SDF2: variants seen among roughly 807,000 people sequenced by gnomAD.
SDF2 encodes the protein stromal cell-derived factor 2.
A neutral mutation model predicts 20.5 loss-of-function variants in SDF2; 12 were observed. That is an observed-to-expected ratio of 0.58 (90% CI 0.37 to 0.95). SDF2 has a LOEUF of 0.95. Among genes scored for constraint, SDF2 ranks in the 40% least tolerant of loss-of-function variants. The pLI is 0.01. For synonymous variants in SDF2, 100 were observed against 101.0 expected (o/e 0.99, Z 0.06); for missense variants, 238 against 263.1 (o/e 0.90, Z 0.66).
upstream of SDF2, chr17:28,662,142 GGA>G (rs1380859052): frequency 5.2e-6 from 2 of 381,060 alleles, no homozygotes; most frequent in Non-Finnish European, 9.7e-6. Flanking sequence ...TCCGAGAGCG[GGA>G]GAGAGAACAA....
In SDF2 at chr17:28,648,484, A is replaced by G. The variant is rs2151579754; in HGVS notation, c.*505T>C. The G allele has an allele frequency of 6.4e-6, 1 of 155,568 alleles. No individual in the cohort carries two copies. The highest frequency in any genetic ancestry group is 1.9e-4 in the East Asian group (1 of 5,258). 9.6% of individuals were successfully genotyped at this position (155,568 alleles called of 1,614,324 possible). ...AGGTTTGTATGCAAGAAAAGCTCTTAAAAGGGCCCACATTGGAGCTTCATA... is the reference window on the plus strand; with the variant it reads ...AGGTTTGTATGCAAGAAAAGCTCTTGAAAGGGCCCACATTGGAGCTTCATA... On this transcript the variant is annotated 3_prime_UTR_variant, in exon 3 of 3. Coordinates refer to ENST00000247020, the MANE Select transcript of SDF2 (RefSeq NM_006923.4).
Position 28,655,422 on chromosome 17 carries a change from C to T in SDF2, c.213G>A (p.Arg71=). ...TSVDDSNSYW[R]IRGKSATVCE... ...ACACTGTGGCACTCTTCCCCCGTAT[C>T]CTCCAGTAACTGTTGCTGTCATCCA... is the stretch of plus-strand genomic sequence containing the variant. The change falls in exon 2 of 3, where the codon AGG becomes AGA. Residue 71 remains arginine (R), a synonymous_variant. Coordinates refer to ENST00000247020, the MANE Select transcript of SDF2 (RefSeq NM_006923.4). 6.2e-7 allele frequency: 1 copy of T among 1,614,196 alleles called. No individual in the cohort carries two copies. The highest frequency in any genetic ancestry group is 1.1e-5 in the South Asian group (1 of 91,072).
chr17:28,656,777 G>A (rs982333182), intron 1 of SDF2, among the ~76,000 whole-genome samples: 2 of 152,126 alleles, frequency 1.3e-5, no homozygotes, highest in Non-Finnish European at 2.9e-5. Context: ...AGCCCCTAAT[G>A]TGTCTAATCA....
In SDF2 at chr17:28,657,233, A is replaced by C. The variant is rs141503900; in HGVS notation, c.152-1750T>G. 2.3e-4 allele frequency among the ~76,000 whole-genome samples: 35 copies of C among 152,138 alleles called. No individual in the cohort carries two copies. The East Asian group carries it at 6.8e-3, about 29-fold the overall frequency. On this transcript the variant is annotated intron_variant, in intron 1 of 2. Coordinates refer to ENST00000247020, the MANE Select transcript of SDF2 (RefSeq NM_006923.4). Reference sequence around the variant, plus strand: ...CAGGGCAAGACTCTGTCTCAAAACAAAAACAAAAACAAAACAAAAAATGTA... The same window carrying C: ...CAGGGCAAGACTCTGTCTCAAAACACAAACAAAAACAAAACAAAAAATGTA...
chr17:28,657,738 G>A (rs1387468450), intron 1 of SDF2: 4 of 151,970 alleles, frequency 2.6e-5, no homozygotes, highest in Non-Finnish European at 5.9e-5. Flanking sequence ...AAAAGAAGCT[G>A]GGCACAGTGG....
chr17:28,655,438 C>T lies in SDF2; in HGVS notation c.197G>A (p.Ser66Asn), dbSNP rs769231523. 1 of 1,613,876 alleles carries T rather than the reference C, an allele frequency of 6.2e-7. No homozygotes were observed. Among genetic ancestry groups the T allele is most frequent in the East Asian group, 2.2e-5 (1 of 44,880 alleles). ...CCCCCGTATCCTCCAGTAACTGTTG[C>T]TGTCATCCACAGAGGTTACACCTGT... Reference protein sequence around the residue: ...SVTGVTSVDDSNSYWRIRGKS... With the variant: ...SVTGVTSVDDNNSYWRIRGKS... The change falls in exon 2 of 3, where the codon AGC (serine) becomes AAC (asparagine). Residue 66 changes from serine (S) to asparagine (N), a missense_variant. Ser to Asn is a conservative substitution (Grantham distance 46). Transcript: ENST00000247020.
intron 1 of SDF2, among the ~76,000 whole-genome samples, chr17:28,656,545 G>A (rs1174775889): frequency 3.3e-5 from 5 of 151,888 alleles, no homozygotes; most frequent in Non-Finnish European, 7.4e-5. Context: ...CCAAGATCGC[G>A]CCACTGCCCT....
intron 2 of SDF2, among the ~76,000 whole-genome samples, chr17:28,653,637 C>T (rs993084462): frequency 1.3e-5 from 2 of 152,122 alleles, no homozygotes; most frequent in African/African-American, 2.4e-5. Flanking sequence ...CATGGTGAAA[C>T]CCCGTCTCTA....
At chr17:28,653,085 T>A (rs768842093) in intron 2 of SDF2, among the ~76,000 whole-genome samples, 7 of 151,824 alleles carry the variant, frequency 4.6e-5, no homozygotes, top group African/African-American at 7.3e-5. Context: ...GTAGACAGAG[T>A]ATAACTCTCC....
chr17:28,662,168 C>T, upstream of SDF2: 2 of 312,830 alleles, frequency 6.4e-6, no homozygotes, highest in Non-Finnish European at 1.2e-5. Flanking sequence ...ATGGCCCGCC[C>T]ACTCCCGGTG....
intron 2 of SDF2, among the ~76,000 whole-genome samples, chr17:28,651,805 C>T (rs2071916892): frequency 6.6e-6 from 1 of 151,866 alleles, no homozygotes; most frequent in South Asian, 2.1e-4. Flanking sequence ...TGTGTGTACA[C>T]TCTACTTGAT....
chr17:28,652,307 T>A (rs1232513306), intron 2 of SDF2, among the ~76,000 whole-genome samples: 4 of 152,110 alleles, frequency 2.6e-5, no homozygotes. Flanking sequence ...GTAACAATTC[T>A]TTATTTTTTT....
At chr17:28,650,803 CAAAAAAAAAAAAAAAAA>C (rs57928087) in intron 2 of SDF2, among the ~76,000 whole-genome samples, 2 of 19,080 alleles carry the variant, frequency 1.0e-4, no homozygotes, top group East Asian at 3.6e-3. Flanking sequence ...GACTTTGTCT[CAAAAAAAAAAAAAAAAA>C]AAAAAAAAAA....
intron 1 of SDF2, among the ~76,000 whole-genome samples, chr17:28,658,092 G>A (rs907657710): frequency 2.0e-5 from 3 of 152,072 alleles, no homozygotes; most frequent in African/African-American, 7.2e-5. Context: ...CTGCCTTACA[G>A]CTCTCTGGGT....
chr17:28,649,596 T>G (rs1281915458), intron 2 of SDF2, among the ~76,000 whole-genome samples: 1 of 151,822 alleles, frequency 6.6e-6, no homozygotes, highest in African/African-American at 2.4e-5. Context: ...TAGCTGGGTG[T>G]GGTGGCACAT....
rs773920265 is a variant in SDF2, at chr17:28,661,422, A to G, written c.151+304T>C. On this transcript the variant is annotated intron_variant, in intron 1 of 2. Transcript: ENST00000247020. ...CTGCAAGGCTTTGAATAAACGATTT[A>G]ATTTCTCTGCGTCTGTTTCCTCATC... is the stretch of plus-strand genomic sequence containing the variant. 4.5e-4 allele frequency among the ~76,000 whole-genome samples: 69 copies of G among 152,204 alleles called. 1 individual carries two copies. The highest frequency in any genetic ancestry group is 7.3e-5 in the Non-Finnish European group (5 of 68,042).
At chr17:28,657,691 C>T (rs2071976838) in intron 1 of SDF2, 2 of 151,916 alleles carry the variant, frequency 1.3e-5, no homozygotes, top group Admixed American at 1.3e-4. Flanking sequence ...AGCCACCACA[C>T]CCAGCCTAAA....
intron 2 of SDF2, among the ~76,000 whole-genome samples, chr17:28,654,488 C>T (rs972621145): frequency 6.6e-6 from 1 of 152,024 alleles, no homozygotes; most frequent in Non-Finnish European, 1.5e-5. Flanking sequence ...TTGTTGTCTC[C>T]ACTTTGACCA....
In SDF2 at chr17:28,661,864, G is replaced by C; in HGVS notation, c.13C>G (p.Pro5Ala). 2 of 1,611,650 alleles carry C rather than the reference G, an allele frequency of 1.2e-6. No individual in the cohort carries two copies. The highest frequency in any genetic ancestry group is 1.7e-6 in the Non-Finnish European group (2 of 1,178,020). MAVVPLLLLGGLWSA... is the reference protein window; with the variant it reads MAVVALLLLGGLWSA... ...CACAAACCCCCCAACAACAGCAGAG[G>C]TACTACAGCCATCCTAACTGTATCG... The change falls in exon 1 of 3, where the codon CCT becomes GCT. Residue 5 changes from proline to alanine, a missense_variant. Physicochemically the swap from Pro to Ala is conservative, Grantham distance 27. Transcript: ENST00000247020.
Sources: gnomAD v4.1 joint callset for allele counts (sites outside exome capture counted in the v4.1 genomes callset) on GRCh38, gnomAD v4.1.1 for gene constraint, MANE v1.5 for transcripts, NCBI Gene and HGNC (gene_info 2026-07-23, HGNC 2026-07-21) for gene names.